The following BLTP1 variants were observed in gnomAD, a reference collection of about 807,000 sequenced individuals.
The protein encoded by BLTP1 is fragile site-associated protein.
At chr4:122,257,471 G>A in the BLTP1 span, 1 of 1,614,044 alleles carries the variant, frequency 6.2e-7, no homozygotes, top group South Asian at 1.1e-5. Context: ...CAGTGCTGAT[G>A]GAGCAGAATT....
the BLTP1 span, chr4:122,199,304 TG>T: frequency 1.3e-6 from 2 of 1,592,980 alleles, no homozygotes; most frequent in Middle Eastern, 3.4e-4. Flanking sequence ...AGTCCAAAGA[TG>T]TTTCATTTTG....
At chr4:122,351,981 T>A in the BLTP1 span, among the ~76,000 whole-genome samples, 1 of 152,202 alleles carries the variant, frequency 6.6e-6, no homozygotes, top group East Asian at 1.9e-4. Context: ...CTTCTCAAAC[T>A]TAACATGCAT....
the BLTP1 span, chr4:122,223,037 CTT>C: frequency 4.7e-6 from 4 of 850,418 alleles, no homozygotes; most frequent in African/African-American, 3.7e-5. Flanking sequence ...CAGAAGATAA[CTT>C]TCTTGACCAC....
chr4:122,240,183 A>G, the BLTP1 span: 2 of 1,614,142 alleles, frequency 1.2e-6, no homozygotes, highest in Non-Finnish European at 1.7e-6. Context: ...ACCCGTGATG[A>G]ATTGTTATCA....
At chr4:122,285,981 CAT>C in the BLTP1 span, among the ~76,000 whole-genome samples, 2 of 152,260 alleles carry the variant, frequency 1.3e-5, no homozygotes, top group South Asian at 4.1e-4. Flanking sequence ...AAATTCATAA[CAT>C]ATCCTTATTT....
chr4:122,266,971 T>TTATTGTGTATAA, the BLTP1 span: 2 of 1,443,380 alleles, frequency 1.4e-6, no homozygotes, highest in Admixed American at 2.1e-5. Context: ...GTCTTTTGCA[T>TTATTGTGTATAA]TTTTGTGTAT....
chr4:122,242,312 G>A, the BLTP1 span, among the ~76,000 whole-genome samples: 5 of 152,032 alleles, frequency 3.3e-5, no homozygotes, highest in Admixed American at 2.0e-4. Flanking sequence ...GTAGGAAATC[G>A]TGTCATTTGT....
the BLTP1 span, among the ~76,000 whole-genome samples, chr4:122,293,617 C>G: frequency 6.6e-6 from 1 of 151,938 alleles, no homozygotes; most frequent in African/African-American, 2.4e-5. Flanking sequence ...CGGGCACGCA[C>G]AGAGACACAG....
the BLTP1 span, among the ~76,000 whole-genome samples, chr4:122,318,531 A>G: frequency 1.3e-5 from 2 of 152,332 alleles, no homozygotes; most frequent in African/African-American, 4.8e-5. Flanking sequence ...GTAGGACTCG[A>G]TAGTCTATGC....
the BLTP1 span, chr4:122,344,488 T>G: frequency 6.2e-7 from 1 of 1,614,014 alleles, no homozygotes; most frequent in South Asian, 1.1e-5. Context: ...GTTCAGGAGG[T>G]GCCTCATTTT....
the BLTP1 span, among the ~76,000 whole-genome samples, chr4:122,238,942 T>C: frequency 1.3e-5 from 2 of 152,188 alleles, no homozygotes; most frequent in Non-Finnish European, 2.9e-5. Flanking sequence ...CTAACATCTT[T>C]TAAATGTAAA....
the BLTP1 span, chr4:122,289,000 T>C: frequency 1.5e-6 from 2 of 1,374,846 alleles, no homozygotes; most frequent in Admixed American, 5.7e-5. Context: ...AATTATCTCT[T>C]TTTTCCTCAG....
chr4:122,176,367 T>G, the BLTP1 span, among the ~76,000 whole-genome samples: 2 of 152,286 alleles, frequency 1.3e-5, no homozygotes, highest in South Asian at 2.1e-4. Flanking sequence ...TATTAACTTT[T>G]GTAGCATTAG....
At chr4:122,270,870 A>G in the BLTP1 span, 2 of 1,089,308 alleles carry the variant, frequency 1.8e-6, no homozygotes, top group Non-Finnish European at 2.5e-6. Context: ...GGCCTAGTGA[A>G]AAAGCATATT....
chr4:122,352,156 A>C, the BLTP1 span, among the ~76,000 whole-genome samples: 1 of 152,126 alleles, frequency 6.6e-6, no homozygotes, highest in Admixed American at 6.6e-5. Context: ...ACTTAAAATA[A>C]GGGGGTCTGC....
At chr4:122,225,096 A>G in the BLTP1 span, 1 of 829,802 alleles carries the variant, frequency 1.2e-6, no homozygotes, top group Admixed American at 5.3e-5. Context: ...AGGATTTGAA[A>G]GTAGCCCTTA....
the BLTP1 span, among the ~76,000 whole-genome samples, chr4:122,287,194 G>A: frequency 0.24 from 36,489 of 152,008 alleles, 4,771 homozygotes; most frequent in African/African-American, 0.31. Context: ...GCCTTAGCAA[G>A]GTAACAAATT....
the BLTP1 span, chr4:122,174,179 T>C: frequency 1.0e-6 from 1 of 985,050 alleles, no homozygotes; most frequent in African/African-American, 1.7e-5. Flanking sequence ...ACATAAAACT[T>C]CTTTCAAACA....
chr4:122,251,129 C>A, the BLTP1 span: 3 of 980,974 alleles, frequency 3.1e-6, no homozygotes, highest in South Asian at 1.4e-4. Context: ...TGACCTGGGG[C>A]AAGTTCCTAA....
Sources: allele counts gnomAD v4.1 joint callset (sites outside exome capture counted in the v4.1 genomes callset), GRCh38; gene constraint gnomAD v4.1.1; transcripts MANE v1.5; gene names NCBI Gene and HGNC (gene_info 2026-07-23, HGNC 2026-07-21).